Variants in NETO2 observed in about 807,000 individuals in gnomAD.
NETO2 encodes the protein neuropilin and tolloid like 2, also known as neuropilin and tolloid-like protein 2.
In NETO2, 28 loss-of-function variants were observed where a neutral mutation model predicts 62.5. The observed-to-expected ratio is 0.45, with a 90% confidence interval of 0.33 to 0.61. The LOEUF (loss-of-function observed/expected upper bound fraction) is 0.61. NETO2 is among the 20% of genes least tolerant of loss of function. The probability of loss-of-function intolerance (pLI) is 0.02; values close to 1 mark genes in which losing one functional copy is unlikely to be tolerated. For synonymous variants in NETO2, 214 were observed against 219.1 expected, an observed-to-expected ratio of 0.98 and a Z score of 0.21; for missense variants, 548 against 643.2, an observed-to-expected ratio of 0.85 and a Z score of 1.60.
chr16:47,084,358 C>T lies in NETO2; in HGVS notation c.998-557G>A, dbSNP rs143312634. ...TAAGATATTTATTGAACTCTTACAG[C>T]AGGGGTCCTCAACCCCTGGGCCACA... On this transcript the variant is annotated intron_variant, in intron 8 of 8. Coordinates refer to ENST00000562435, the MANE Select transcript of NETO2 (RefSeq NM_018092.5). Among the ~76,000 whole-genome samples the T allele has an allele frequency of 4.2e-4, 64 of 152,316 alleles. 1 individual carries two copies. In the Middle Eastern group the frequency reaches 0.01, roughly 24 times the overall value.
At chr16:47,134,468 A>T (rs1964330258) in intron 1 of NETO2, among the ~76,000 whole-genome samples, 1 of 152,224 alleles carries the variant, frequency 6.6e-6, no homozygotes, top group South Asian at 2.1e-4. Flanking sequence ...TATGATCAAA[A>T]AGAAAAGTCA....
chr16:47,091,379 T>C (rs555405905), intron 7 of NETO2, among the ~76,000 whole-genome samples: 51 of 152,282 alleles, frequency 3.3e-4, no homozygotes, highest in African/African-American at 1.0e-3. Context: ...ATAGAGAAAA[T>C]ACCTTAACTA....
rs181878142 is a variant in NETO2, at chr16:47,125,836, G to T, written c.481+2489C>A. 2.0e-5 allele frequency among the ~76,000 whole-genome samples: 3 copies of T among 152,282 alleles called. No individual in the cohort carries two copies. In the East Asian group the frequency reaches 5.8e-4, roughly 29 times the overall value. On this transcript the variant is annotated intron_variant, in intron 4 of 8. Transcript: ENST00000562435. ...CTCCCGAGTAGCTGGAATGACACGTGTGCACCACACGCCTGGCTCCACCAT... is the reference window on the plus strand; with the variant it reads ...CTCCCGAGTAGCTGGAATGACACGTTTGCACCACACGCCTGGCTCCACCAT...
chr16:47,090,371 G>A (rs991136606), intron 7 of NETO2, among the ~76,000 whole-genome samples: 5 of 152,160 alleles, frequency 3.3e-5, no homozygotes, highest in African/African-American at 1.2e-4. Flanking sequence ...AAGCATGGCT[G>A]GTGGAAATGA....
At chr16:47,108,467 T>C (rs1424238274) in intron 7 of NETO2, among the ~76,000 whole-genome samples, 1 of 152,226 alleles carries the variant, frequency 6.6e-6, no homozygotes, top group East Asian at 1.9e-4. Context: ...GTACCCCTGC[T>C]TCACTGACAT....
At chr16:47,109,410 T>A in intron 7 of NETO2, 73 bp downstream of exon 7, 1 of 929,660 alleles carries the variant, frequency 1.1e-6, no homozygotes, top group Non-Finnish European at 1.6e-6. Context: ...TTTAAAAAAG[T>A]AAATGCTGAG....
At chr16:47,099,114 T>C (rs1963490825) in intron 7 of NETO2, among the ~76,000 whole-genome samples, 1 of 152,170 alleles carries the variant, frequency 6.6e-6, no homozygotes, top group Non-Finnish European at 1.5e-5. Flanking sequence ...TGCCTTGGCC[T>C]CCCAAAGTGC....
intron 1 of NETO2, 111 bp downstream of exon 1, chr16:47,143,468 G>A (rs1964507557): frequency 4.3e-6 from 5 of 1,161,414 alleles, no homozygotes; most frequent in Non-Finnish European, 5.4e-6. Context: ...GCCAGACAAA[G>A]AGGCGCGTCG....
chr16:47,117,422 T>C (rs114979221), intron 6 of NETO2, among the ~76,000 whole-genome samples: 3,089 of 152,304 alleles, frequency 0.02, 104 homozygotes, highest in African/African-American at 0.07. Flanking sequence ...AGTTTGGGAC[T>C]TTTTAGCAAT....
Position 47,122,677 on chromosome 16 carries a change from TA to T in NETO2, c.633del (p.Ala213ProfsTer9). The T allele has an allele frequency of 6.2e-7, 1 of 1,614,174 alleles. No homozygotes were observed. The highest frequency in any genetic ancestry group is 8.5e-7 in the Non-Finnish European group (1 of 1,180,024). ...PGQAVDCIWT[I>X]KATPKAKIYL... ...AATACCTTAGCTTTTGGAGTGGCTT[TA>T]ATGGTCCAGATGCAATCAACGGCTT... On this transcript the variant is annotated frameshift_variant, in exon 6 of 9. Transcript: ENST00000562435. LOFTEE classifies it high-confidence loss of function.
intron 6 of NETO2, among the ~76,000 whole-genome samples, chr16:47,112,115 G>A (rs945937321): frequency 6.6e-6 from 1 of 151,900 alleles, no homozygotes; most frequent in African/African-American, 2.4e-5. Flanking sequence ...ACAGGGTCTT[G>A]CCATGTTGTC....
intron 7 of NETO2, among the ~76,000 whole-genome samples, chr16:47,092,741 G>A (rs952851189): frequency 9.9e-5 from 15 of 152,196 alleles, no homozygotes; most frequent in Non-Finnish European, 1.8e-4. Flanking sequence ...AACATGCTCA[G>A]GTTCTCTCCC....
In NETO2 at chr16:47,143,698, C is replaced by G; in HGVS notation, c.-86G>C. 1 of 1,209,156 alleles carries G rather than the reference C, an allele frequency of 8.3e-7. No individual in the cohort carries two copies. Among genetic ancestry groups the G allele is most frequent in the Non-Finnish European group, 1.0e-6 (1 of 972,192 alleles). 74.9% of individuals were successfully genotyped at this position (1,209,156 alleles called of 1,614,324 possible). A position where few individuals can be genotyped will look rare whatever the true frequency, so the allele number is the denominator to read the frequency against. On this transcript the variant is annotated 5_prime_UTR_variant, in exon 1 of 9. Transcript: ENST00000562435. ...TCACGGCTCGGCGCGGCGGCGACGG[C>G]CCCACTCCGTCCCCATCGCCGGCCA...
At chr16:47,132,441 A>G (rs1187433480) in intron 1 of NETO2, among the ~76,000 whole-genome samples, 2 of 152,172 alleles carry the variant, frequency 1.3e-5, no homozygotes, top group East Asian at 1.9e-4. Context: ...CAATTAGATT[A>G]TATCTGTTTT....
In NETO2 at chr16:47,082,306, AC is replaced by A. The variant is rs1179439914; in HGVS notation, c.*914del. 6.6e-6 allele frequency: 1 copy of A among 152,398 alleles called. No individual in the cohort carries two copies. The highest frequency in any genetic ancestry group is 1.5e-5 in the Non-Finnish European group (1 of 68,044). The allele number at this position is 152,398 out of a possible 1,614,324, so 9.4% of individuals were successfully genotyped here. A position where few individuals can be genotyped will look rare whatever the true frequency, so the allele number is the denominator to read the frequency against. ...AAACCAACAGAATGGGAGCTATGTA[AC>A]AATCTAGCGAAGAGAAACATTGCAA... On this transcript the variant is annotated 3_prime_UTR_variant, in exon 9 of 9. Coordinates refer to ENST00000562435, the MANE Select transcript of NETO2 (RefSeq NM_018092.5).
rs139446555 is a variant in NETO2, at chr16:47,102,845, G to A, written c.883+6638C>T. Among the ~76,000 whole-genome samples the A allele has an allele frequency of 3.9e-5, 6 of 152,348 alleles. No individual in the cohort carries two copies. In the East Asian group the frequency reaches 7.7e-4, roughly 20 times the overall value. On this transcript the variant is annotated intron_variant, in intron 7 of 8. Transcript: ENST00000562435. ...AGGAGCTCTTTTATACTGTTGGTGG[G>A]AGTGTAAATTAGTTCAACCATCGTA... is the stretch of plus-strand genomic sequence containing the variant.
At chr16:47,122,812 A>T in intron 5 of NETO2, 28 bp from the exon 6 acceptor site, 1 of 1,614,038 alleles carries the variant, frequency 6.2e-7, no homozygotes, top group Non-Finnish European at 8.5e-7. Flanking sequence ...AAGGTGTTCA[A>T]AGGAACATAA....
intron 6 of NETO2, among the ~76,000 whole-genome samples, chr16:47,117,746 G>A (rs533643868): frequency 6.6e-6 from 1 of 152,042 alleles, no homozygotes; most frequent in Admixed American, 6.6e-5. Flanking sequence ...CTTTGAGAGT[G>A]TTTACTGCTA....
chr16:47,143,026 C>T lies in NETO2; in HGVS notation c.34+553G>A, dbSNP rs372541545. On this transcript the variant is annotated intron_variant, in intron 1 of 8. Coordinates refer to ENST00000562435, the MANE Select transcript of NETO2 (RefSeq NM_018092.5). ...GCCGCCCCCGGAGCCCGCAGTGGTG[C>T]CGCAGCCTCCGTGGCCGCAGCAGGT... Among the ~76,000 whole-genome samples the T allele has an allele frequency of 5.3e-5, 8 of 151,974 alleles. No individual in the cohort carries two copies. The South Asian group carries it at 8.3e-4, about 16-fold the overall frequency.
Sources: allele counts gnomAD v4.1 joint callset (sites outside exome capture counted in the v4.1 genomes callset), GRCh38; gene constraint gnomAD v4.1.1; transcripts MANE v1.5; gene names NCBI Gene and HGNC (gene_info 2026-07-23, HGNC 2026-07-21).